Variants in BMPR2 observed in about 807,000 individuals in gnomAD.
BMPR2 encodes the protein bone morphogenetic protein receptor type-2.
In BMPR2, 29 loss-of-function variants were observed where a neutral mutation model predicts 100.8. That is an observed-to-expected ratio of 0.29 (90% CI 0.21 to 0.39). BMPR2 has a LOEUF of 0.39. Ranked by LOEUF, BMPR2 falls within the 10% of genes least tolerant of loss-of-function variation. The pLI is 1.00. For synonymous variants in BMPR2, 382 were observed against 442.3 expected, an observed-to-expected ratio of 0.86 and a Z score of 1.71; for missense variants, 1,011 against 1,274.5, an observed-to-expected ratio of 0.79 and a Z score of 3.15.
intron 3 of BMPR2, among the ~76,000 whole-genome samples, chr2:202,492,725 C>CAAAAAA (rs796078041): frequency 9.0e-6 from 1 of 111,690 alleles, no homozygotes; most frequent in African/African-American, 3.3e-5. Context: ...AAAAAAAAAC[C>CAAAAAA]AAAAAAAAAA....
intron 3 of BMPR2, among the ~76,000 whole-genome samples, chr2:202,496,869 AG>A (rs1329289273): frequency 6.6e-6 from 1 of 152,218 alleles, no homozygotes; most frequent in Admixed American, 6.5e-5. Flanking sequence ...GGGCTGGCCG[AG>A]GCCGGAGCCC....
chr2:202,398,004 C>T (rs2105908365), intron 1 of BMPR2, among the ~76,000 whole-genome samples: 1 of 151,472 alleles, frequency 6.6e-6, no homozygotes, highest in South Asian at 2.1e-4. Context: ...CACCTATAAT[C>T]ACAGCTACTC....
intron 1 of BMPR2, among the ~76,000 whole-genome samples, chr2:202,420,655 T>G (rs1691244646): frequency 6.7e-6 from 1 of 149,358 alleles, no homozygotes; most frequent in South Asian, 2.2e-4. Context: ...CAAGTGATTC[T>G]CTTGCCTCAG....
intron 3 of BMPR2, among the ~76,000 whole-genome samples, chr2:202,505,576 T>A (rs1276051769): frequency 6.6e-6 from 1 of 152,102 alleles, no homozygotes; most frequent in Admixed American, 6.6e-5. Flanking sequence ...TCCAGTTGAT[T>A]TATGGACATT....
chr2:202,536,993 G>A (rs1688173591), intron 9 of BMPR2, among the ~76,000 whole-genome samples: 1 of 152,088 alleles, frequency 6.6e-6, no homozygotes, highest in East Asian at 1.9e-4. Context: ...GAACTCTTGG[G>A]CTCAAGCAGT....
intron 1 of BMPR2, among the ~76,000 whole-genome samples, chr2:202,451,469 C>T (rs1001781298): frequency 5.3e-5 from 8 of 152,084 alleles, no homozygotes; most frequent in African/African-American, 9.7e-5. Flanking sequence ...GAGGCCGAGA[C>T]GGGAGGATCA....
intron 1 of BMPR2, among the ~76,000 whole-genome samples, chr2:202,412,586 T>C (rs1476784487): frequency 6.6e-6 from 1 of 152,228 alleles, no homozygotes; most frequent in Non-Finnish European, 1.5e-5. Flanking sequence ...CCGAAAGTGC[T>C]GGGATTACAG....
Position 202,379,332 on chromosome 2 carries a change from G to A in BMPR2, c.76+1782G>A, listed in dbSNP as rs13430769. Among the ~76,000 whole-genome samples, 150 of 152,310 alleles carry A rather than the reference G, an allele frequency of 9.8e-4. 2 individuals carry two copies. Among genetic ancestry groups the A allele is most frequent in the African/African-American group, 3.2e-3 (132 of 41,568 alleles). On this transcript the variant is annotated intron_variant, in intron 1 of 12. Coordinates refer to ENST00000374580, the MANE Select transcript of BMPR2 (RefSeq NM_001204.7). Reference sequence around the variant, plus strand: ...CATTCCCCTTTTCCATAGAGGGAGAGTAAAGTACAGAGAATTTGAATAACT... The same window carrying A: ...CATTCCCCTTTTCCATAGAGGGAGAATAAAGTACAGAGAATTTGAATAACT...
At chr2:202,383,023 T>G (rs1690334434) in intron 1 of BMPR2, among the ~76,000 whole-genome samples, 1 of 152,246 alleles carries the variant, frequency 6.6e-6, no homozygotes, top group Non-Finnish European at 1.5e-5. Flanking sequence ...TTTCTACTTT[T>G]TGTGGTAATT....
At chr2:202,510,905 C>G (rs148495708) in intron 3 of BMPR2, among the ~76,000 whole-genome samples, 2 of 151,670 alleles carry the variant, frequency 1.3e-5, no homozygotes, top group Admixed American at 6.6e-5. Context: ...GGTCTCAAAC[C>G]CCTGACCTTG....
At chr2:202,392,101 G>A (rs1018978794) in intron 1 of BMPR2, among the ~76,000 whole-genome samples, 5 of 141,590 alleles carry the variant, frequency 3.5e-5, no homozygotes, top group Admixed American at 1.5e-4. Context: ...AAGAAGTCTC[G>A]CTCTCGTCCC....
intron 1 of BMPR2, among the ~76,000 whole-genome samples, chr2:202,430,686 G>A (rs1018916855): frequency 1.3e-5 from 2 of 151,920 alleles, no homozygotes; most frequent in Non-Finnish European, 2.9e-5. Flanking sequence ...TTGGACAGGC[G>A]CGGTGGATCA....
At chr2:202,427,941 T>C (rs1307678952) in intron 1 of BMPR2, among the ~76,000 whole-genome samples, 1 of 152,188 alleles carries the variant, frequency 6.6e-6, no homozygotes, top group African/African-American at 2.4e-5. Context: ...ATCATGCCAG[T>C]GTGCTCCAGC....
intron 10 of BMPR2, among the ~76,000 whole-genome samples, chr2:202,543,600 G>A (rs1482597458): frequency 1.3e-5 from 2 of 151,838 alleles, no homozygotes; most frequent in African/African-American, 4.8e-5. Context: ...ATCACTCTCC[G>A]TAAGTAACTC....
intron 1 of BMPR2, among the ~76,000 whole-genome samples, chr2:202,456,063 CAAAAAAAAAAAAAA>C (rs750470872): frequency 5.3e-3 from 194 of 36,630 alleles, no homozygotes; most frequent in South Asian, 8.7e-3. Context: ...AGACCCGTCT[CAAAAAAAAAAAAAA>C]AAAAAAAAAA....
At chr2:202,520,447 T>C in intron 7 of BMPR2, 1 of 533,424 alleles carries the variant, frequency 1.9e-6, no homozygotes, top group Non-Finnish European at 3.3e-6. Flanking sequence ...CTGGGCTACC[T>C]GGAGGCTATC....
chr2:202,529,676 C>T (rs1363812742), intron 7 of BMPR2, among the ~76,000 whole-genome samples: 2 of 152,064 alleles, frequency 1.3e-5, no homozygotes, highest in Non-Finnish European at 2.9e-5. Context: ...AAATTGGTAA[C>T]TCCTATTTTT....
At chr2:202,387,252 G>A (rs974977941) in intron 1 of BMPR2, among the ~76,000 whole-genome samples, 2 of 152,162 alleles carry the variant, frequency 1.3e-5, no homozygotes, top group South Asian at 4.1e-4. Context: ...GCTACAATTA[G>A]TTAATCTATA....
intron 1 of BMPR2, among the ~76,000 whole-genome samples, chr2:202,427,555 C>G (rs1157972653): frequency 2.0e-5 from 3 of 151,238 alleles, no homozygotes; most frequent in South Asian, 4.1e-4. Context: ...AACCTTAAAA[C>G]TTTTTCGTTC....
Sources: gnomAD v4.1 joint callset for allele counts (sites outside exome capture counted in the v4.1 genomes callset) on GRCh38, gnomAD v4.1.1 for gene constraint, MANE v1.5 for transcripts, NCBI Gene and HGNC (gene_info 2026-07-23, HGNC 2026-07-21) for gene names.